HCN1: variants seen among roughly 807,000 people sequenced by gnomAD.
The protein encoded by HCN1 is hyperpolarization activated cyclic nucleotide gated potassium channel 1.
HCN1 carries 13 observed loss-of-function variants against 78.9 expected under a neutral mutation model. That is an observed-to-expected ratio of 0.16 (90% CI 0.11 to 0.26). HCN1 has a LOEUF of 0.26. HCN1 is among the 10% of genes least tolerant of loss of function. HCN1 has a pLI of 1.00. For synonymous variants in HCN1, 552 were observed against 455.5 expected (o/e 1.21, Z -2.70); for missense variants, 810 against 1,154.3 (o/e 0.70, Z 4.32).
At chr5:45,560,896 C>A (rs1295428648) in intron 2 of HCN1, among the ~76,000 whole-genome samples, 5 of 152,022 alleles carry the variant, frequency 3.3e-5, no homozygotes, top group African/African-American at 4.8e-5. Flanking sequence ...TTCTCTATAG[C>A]GTGGAAGTTT....
chr5:45,320,479 T>C (rs771481439), intron 5 of HCN1, among the ~76,000 whole-genome samples: 4 of 151,824 alleles, frequency 2.6e-5, no homozygotes, highest in Non-Finnish European at 5.9e-5. Context: ...TTTACAAATA[T>C]TAATTTATTT....
At chr5:45,603,080 C>T (rs1247412641) in intron 2 of HCN1, among the ~76,000 whole-genome samples, 1 of 152,018 alleles carries the variant, frequency 6.6e-6, no homozygotes, top group African/African-American at 2.4e-5. Context: ...ATATAAGTGG[C>T]ATATTGTTCC....
intron 3 of HCN1, among the ~76,000 whole-genome samples, chr5:45,436,148 C>T (rs146976696): frequency 0.012 from 1,862 of 152,292 alleles, 24 homozygotes; most frequent in South Asian, 0.039. Flanking sequence ...TGTATGGCTT[C>T]TGTGAATGTC....
chr5:45,446,009 T>C (rs1002420259), intron 3 of HCN1, among the ~76,000 whole-genome samples: 1 of 152,152 alleles, frequency 6.6e-6, no homozygotes, highest in East Asian at 1.9e-4. Flanking sequence ...ACGCAGTTCC[T>C]CACCAGCAAC....
intron 5 of HCN1, among the ~76,000 whole-genome samples, chr5:45,304,072 G>A (rs372456336): frequency 6.6e-5 from 10 of 151,898 alleles, no homozygotes; most frequent in African/African-American, 1.2e-4. Context: ...TTAAATATTC[G>A]ATAAATGTTA....
At chr5:45,461,112 T>C (rs549677727) in intron 3 of HCN1, among the ~76,000 whole-genome samples, 10 of 151,898 alleles carry the variant, frequency 6.6e-5, no homozygotes, top group Non-Finnish European at 8.8e-5. Context: ...TGAACACATA[T>C]GTGTGTATAT....
intron 2 of HCN1, among the ~76,000 whole-genome samples, chr5:45,593,146 C>T (rs1292965062): frequency 6.6e-6 from 1 of 152,038 alleles, no homozygotes; most frequent in East Asian, 1.9e-4. Context: ...CTGTACATAC[C>T]TTTTCTTATT....
intron 2 of HCN1, among the ~76,000 whole-genome samples, chr5:45,490,741 C>T (rs1741863962): frequency 6.6e-6 from 1 of 152,162 alleles, no homozygotes; most frequent in African/African-American, 2.4e-5. Context: ...CATGTACTCA[C>T]AATTTTTTTA....
chr5:45,413,193 T>C (rs1174430990), intron 3 of HCN1, among the ~76,000 whole-genome samples: 2 of 151,986 alleles, frequency 1.3e-5, no homozygotes, highest in African/African-American at 4.8e-5. Flanking sequence ...AATAGCTAAC[T>C]CACAAGAGGT....
intron 1 of HCN1, among the ~76,000 whole-genome samples, chr5:45,657,856 C>T (rs904979873): frequency 1.3e-5 from 2 of 152,160 alleles, no homozygotes; most frequent in Non-Finnish European, 2.9e-5. Flanking sequence ...CATCAAGCTA[C>T]CAATAACTTT....
chr5:45,546,892 A>T (rs1743242173), intron 2 of HCN1, among the ~76,000 whole-genome samples: 1 of 151,878 alleles, frequency 6.6e-6, no homozygotes, highest in African/African-American at 2.4e-5. Context: ...GAAAAGTATT[A>T]CTTATATTGA....
intron 6 of HCN1, among the ~76,000 whole-genome samples, chr5:45,303,327 C>T (rs930517038): frequency 2.0e-5 from 3 of 152,046 alleles, no homozygotes; most frequent in South Asian, 2.1e-4. Flanking sequence ...ATCTAGGTCA[C>T]CAAATTATAC....
At chr5:45,386,979 A>C (rs1168002491) in intron 4 of HCN1, among the ~76,000 whole-genome samples, 1 of 152,050 alleles carries the variant, frequency 6.6e-6, no homozygotes, top group Non-Finnish European at 1.5e-5. Context: ...TTTAAAACAA[A>C]TATACTATTG....
At chr5:45,301,070 G>A (rs890966770) in intron 6 of HCN1, among the ~76,000 whole-genome samples, 3 of 151,880 alleles carry the variant, frequency 2.0e-5, no homozygotes, top group Non-Finnish European at 4.4e-5. Context: ...TAACCTCATG[G>A]TTATTTTGAT....
chr5:45,289,624 C>T (rs967469482), intron 6 of HCN1, among the ~76,000 whole-genome samples: 1 of 151,994 alleles, frequency 6.6e-6, no homozygotes, highest in African/African-American at 2.4e-5. Flanking sequence ...TCTTACTCAG[C>T]AAAGTTGTAG....
chr5:45,669,461 GAACTGTAATATTCTAA>G (rs766615966), intron 1 of HCN1, among the ~76,000 whole-genome samples: 3 of 151,732 alleles, frequency 2.0e-5, no homozygotes, highest in Admixed American at 6.6e-5. Flanking sequence ...AAGACAGTTG[GAACTGTAATATTCTAA>G]AACTCAGAAG....
At chr5:45,436,163 G>C (rs894343032) in intron 3 of HCN1, among the ~76,000 whole-genome samples, 1 of 152,140 alleles carries the variant, frequency 6.6e-6, no homozygotes, top group South Asian at 2.1e-4. Context: ...AATGTCACTG[G>C]AGAAGACTCC....
intron 1 of HCN1, among the ~76,000 whole-genome samples, chr5:45,658,694 G>A (rs1745845170): frequency 2.0e-5 from 3 of 151,440 alleles, no homozygotes; most frequent in African/African-American, 4.9e-5. Context: ...AGGGGTGAGG[G>A]ACGCACCTGG....
chr5:45,416,859 C>T (rs539298590), intron 3 of HCN1, among the ~76,000 whole-genome samples: 14 of 151,850 alleles, frequency 9.2e-5, no homozygotes, highest in Non-Finnish European at 1.6e-4. Flanking sequence ...TCTTGTCTCC[C>T]CTCTCCCCCA....
Sources: gnomAD v4.1 joint callset for allele counts (sites outside exome capture counted in the v4.1 genomes callset) on GRCh38, gnomAD v4.1.1 for gene constraint, MANE v1.5 for transcripts, NCBI Gene and HGNC (gene_info 2026-07-23, HGNC 2026-07-21) for gene names.